Variants in NCKAP5 observed in about 807,000 individuals in gnomAD.
The protein encoded by NCKAP5 is NCK associated protein 5, also known as nck-associated protein 5.
In NCKAP5, 92 loss-of-function variants were observed where a neutral mutation model predicts 167.0. The ratio of observed to expected loss-of-function variants is 0.55; its 90% confidence interval spans 0.47 to 0.66. NCKAP5 has a LOEUF of 0.66. Ranked by LOEUF, NCKAP5 falls within the 30% of genes least tolerant of loss-of-function variation. The pLI is 0.00. For synonymous variants in NCKAP5, 891 were observed against 877.4 expected (o/e 1.02, Z -0.27); for missense variants, 2,378 against 2,315.0 (o/e 1.03, Z -0.56).
rs370087547 is a variant in NCKAP5, at chr2:132,732,097, T to C, written c.5129-46A>G. The C allele has an allele frequency of 3.4e-6, 5 of 1,491,054 alleles. No individual in the cohort carries two copies. In the African/African-American group the frequency reaches 5.6e-5, roughly 17 times the overall value. The allele number at this position is 1,491,054 out of a possible 1,614,324, so 92.4% of individuals were successfully genotyped here. On this transcript the variant is annotated intron_variant, in intron 16 of 19. Coordinates refer to ENST00000409261, the MANE Select transcript of NCKAP5 (RefSeq NM_207363.3). ...GAGAAGGGAATAGAGAAGGCTCACATAAAAGGATAAAAGAATCATGGAAAT... is the reference window on the plus strand; with the variant it reads ...GAGAAGGGAATAGAGAAGGCTCACACAAAAGGATAAAAGAATCATGGAAAT...
chr2:133,125,283 C>T (rs2082368726), intron 6 of NCKAP5, among the ~76,000 whole-genome samples: 2 of 150,064 alleles, frequency 1.3e-5, no homozygotes, highest in African/African-American at 4.9e-5. Flanking sequence ...AACTTGGAGA[C>T]AATATTCCTC....
chr2:133,020,431 A>C (rs1039260743), intron 6 of NCKAP5, among the ~76,000 whole-genome samples: 2 of 152,206 alleles, frequency 1.3e-5, no homozygotes, highest in Non-Finnish European at 2.9e-5. Flanking sequence ...AGGAGAATAA[A>C]AGACATGCAT....
At chr2:133,086,838 T>C (rs1006032789) in intron 6 of NCKAP5, among the ~76,000 whole-genome samples, 13 of 152,242 alleles carry the variant, frequency 8.5e-5, no homozygotes, top group South Asian at 4.2e-4. Context: ...TTAGGGAACA[T>C]TGGGGGCAAG....
chr2:132,719,514 C>T (rs1265806078), intron 19 of NCKAP5, among the ~76,000 whole-genome samples: 1 of 152,156 alleles, frequency 6.6e-6, no homozygotes, highest in East Asian at 1.9e-4. Flanking sequence ...GGACAACCCT[C>T]GAAAAGTTCC....
chr2:133,140,153 C>A (rs2082944209), intron 5 of NCKAP5, among the ~76,000 whole-genome samples: 1 of 152,320 alleles, frequency 6.6e-6, no homozygotes, highest in East Asian at 1.9e-4. Context: ...ATTCTATCCC[C>A]TTGAAGTTTT....
intron 8 of NCKAP5, among the ~76,000 whole-genome samples, chr2:132,937,289 C>T (rs182380837): frequency 3.0e-4 from 45 of 152,238 alleles, no homozygotes; most frequent in East Asian, 1.5e-3. Flanking sequence ...GAACAACGAC[C>T]GCATTTGCTG....
the NCKAP5 span, among the ~76,000 whole-genome samples, chr2:133,578,188 A>G: frequency 6.6e-6 from 1 of 151,832 alleles, no homozygotes; most frequent in African/African-American, 2.4e-5. Context: ...TATCTTGTTG[A>G]CTCTAGTTCC....
intron 6 of NCKAP5, among the ~76,000 whole-genome samples, chr2:133,101,126 G>A (rs1378480835): frequency 1.3e-5 from 2 of 150,194 alleles, no homozygotes; most frequent in African/African-American, 4.9e-5. Context: ...CATATGGCTA[G>A]CCAGTTTTCC....
At chr2:133,622,550 A>G in the NCKAP5 span, among the ~76,000 whole-genome samples, 2 of 152,114 alleles carry the variant, frequency 1.3e-5, no homozygotes, top group East Asian at 3.9e-4. Context: ...TGCAAACACA[A>G]AAACAAAAAC....
the NCKAP5 span, among the ~76,000 whole-genome samples, chr2:133,597,093 C>T: frequency 6.6e-6 from 1 of 152,208 alleles, no homozygotes; most frequent in African/African-American, 2.4e-5. Context: ...CAGTGGCATA[C>T]TTGGGAAAAA....
chr2:133,390,515 C>T (rs1430271995), intron 3 of NCKAP5, among the ~76,000 whole-genome samples: 1 of 152,176 alleles, frequency 6.6e-6, no homozygotes. Flanking sequence ...TGGTTTCTTA[C>T]AGAAAATGCT....
intron 6 of NCKAP5, among the ~76,000 whole-genome samples, chr2:133,041,821 G>A (rs2079227753): frequency 6.6e-6 from 1 of 152,048 alleles, no homozygotes; most frequent in South Asian, 2.1e-4. Context: ...AACACCTTTA[G>A]CCACACAAGT....
chr2:132,676,281 T>C (rs3886617), intron 19 of NCKAP5, among the ~76,000 whole-genome samples: 5 of 140,674 alleles, frequency 3.6e-5, no homozygotes. Flanking sequence ...TGTTGTTTTA[T>C]CCTTTTTTTT....
At chr2:133,088,149 T>C (rs1216665884) in intron 6 of NCKAP5, among the ~76,000 whole-genome samples, 1 of 152,206 alleles carries the variant, frequency 6.6e-6, no homozygotes, top group Non-Finnish European at 1.5e-5. Context: ...AGATTAACTG[T>C]AGAATCTTCA....
At chr2:133,534,569 C>G (rs899865342) in intron 2 of NCKAP5, among the ~76,000 whole-genome samples, 11 of 152,134 alleles carry the variant, frequency 7.2e-5, no homozygotes, top group Non-Finnish European at 1.6e-4. Flanking sequence ...TGGACACTTC[C>G]CACACATAGA....
chr2:133,269,493 C>G (rs570420749), intron 4 of NCKAP5, among the ~76,000 whole-genome samples: 42 of 152,074 alleles, frequency 2.8e-4, no homozygotes, highest in African/African-American at 9.4e-4. Flanking sequence ...GAAGATGGTC[C>G]CAGGAAGTGG....
chr2:133,669,425 G>T, the NCKAP5 span, among the ~76,000 whole-genome samples: 75 of 152,114 alleles, frequency 4.9e-4, no homozygotes, highest in African/African-American at 1.7e-3. Context: ...ATCATTCTTA[G>T]ACACTAGAAA....
At chr2:132,756,439 A>G (rs933214082) in intron 16 of NCKAP5, among the ~76,000 whole-genome samples, 3 of 152,178 alleles carry the variant, frequency 2.0e-5, no homozygotes, top group African/African-American at 7.2e-5. Flanking sequence ...AGAGTTAGAC[A>G]CGCAGAGAGA....
chr2:133,616,064 C>T, the NCKAP5 span, among the ~76,000 whole-genome samples: 105 of 151,088 alleles, frequency 6.9e-4, no homozygotes, highest in Admixed American at 1.3e-3. Context: ...GGGTACATAA[C>T]GAAATGAAGG....
Sources: gnomAD v4.1 joint callset for allele counts (sites outside exome capture counted in the v4.1 genomes callset) on GRCh38, gnomAD v4.1.1 for gene constraint, MANE v1.5 for transcripts, NCBI Gene and HGNC (gene_info 2026-07-23, HGNC 2026-07-21) for gene names.